The following ZNF521 variants were observed in gnomAD, a reference collection of about 807,000 sequenced individuals.
The protein encoded by ZNF521 is zinc finger protein 521, also known as LYST-interacting protein 3.
In ZNF521, 14 loss-of-function variants were observed where a neutral mutation model predicts 105.5. The ratio of observed to expected loss-of-function variants is 0.13; its 90% CI spans 0.09 to 0.21. ZNF521 has a LOEUF of 0.21. Ranked by LOEUF, ZNF521 falls within the 10% of genes least tolerant of loss-of-function variation. The probability of loss-of-function intolerance (pLI) is 1.00; values close to 1 mark genes in which losing one functional copy is unlikely to be tolerated. For missense variants in ZNF521, 1,233 were observed against 1,629.7 expected, an observed-to-expected ratio of 0.76 and a Z score of 4.19; for synonymous variants, 635 against 606.0, an observed-to-expected ratio of 1.05 and a Z score of -0.70.
intron 5 of ZNF521, among the ~76,000 whole-genome samples, chr18:25,143,479 G>C (rs533906832): frequency 8.9e-4 from 136 of 152,148 alleles, no homozygotes; most frequent in African/African-American, 2.7e-3. Flanking sequence ...CCATCAAAAG[G>C]TCTTGTTCTG....
intron 4 of ZNF521, among the ~76,000 whole-genome samples, chr18:25,217,823 T>C (rs1253025704): frequency 6.6e-6 from 1 of 152,206 alleles, no homozygotes; most frequent in African/African-American, 2.4e-5. Flanking sequence ...TACTCCATAT[T>C]ATCTGCACAG....
intron 5 of ZNF521, among the ~76,000 whole-genome samples, chr18:25,129,267 T>TAA (rs199586414): frequency 0.13 from 4,900 of 37,988 alleles, 134 homozygotes; most frequent in East Asian, 0.36. Flanking sequence ...ATAATAATAA[T>TAA]TATTATTATT....
chr18:25,342,415 T>G lies in ZNF521; in HGVS notation c.40+8492A>C, dbSNP rs532828016. Among the ~76,000 whole-genome samples the G allele has an allele frequency of 5.3e-3, 433 of 81,770 alleles. 9 individuals carry two copies. Among genetic ancestry groups the G allele is most frequent in the Admixed American group, 0.034 (296 of 8,648 alleles). 53.6% of individuals were successfully genotyped at this position (81,770 alleles called of 152,430 possible). On this transcript the variant is annotated intron_variant, in intron 2 of 7. Coordinates refer to ENST00000361524, the MANE Select transcript of ZNF521 (RefSeq NM_015461.3). ...TTTCCTTTTCTTTCCTTTGTTTTTT[T>G]TTTGTTTGTTTGTTTGTTTTTTTTG...
At chr18:25,239,939 C>T (rs2144792585) in intron 3 of ZNF521, among the ~76,000 whole-genome samples, 1 of 152,164 alleles carries the variant, frequency 6.6e-6, no homozygotes, top group Admixed American at 6.5e-5. Context: ...TCTCCCTCTC[C>T]TCCTGTCCCT....
At chr18:25,306,951 T>C (rs1468947889) in intron 3 of ZNF521, among the ~76,000 whole-genome samples, 3 of 151,938 alleles carry the variant, frequency 2.0e-5, no homozygotes, top group African/African-American at 4.8e-5. Flanking sequence ...CAGAAAAGTA[T>C]CTCAGATTTA....
intron 5 of ZNF521, among the ~76,000 whole-genome samples, chr18:25,182,952 T>C (rs1047949084): frequency 2.0e-5 from 3 of 152,160 alleles, no homozygotes; most frequent in African/African-American, 7.2e-5. Context: ...GTCAGCATCA[T>C]ATTTACTGGC....
chr18:25,107,111 G>C (rs1469424619), intron 5 of ZNF521, among the ~76,000 whole-genome samples: 1 of 152,196 alleles, frequency 6.6e-6, no homozygotes, highest in African/African-American at 2.4e-5. Context: ...CTAACAAGCT[G>C]AGCCATTTCA....
chr18:25,278,850 C>G (rs1462126361), intron 3 of ZNF521, among the ~76,000 whole-genome samples: 1 of 152,128 alleles, frequency 6.6e-6, no homozygotes, highest in African/African-American at 2.4e-5. Context: ...TAAAGTGATG[C>G]CATAAAACAG....
intron 3 of ZNF521, among the ~76,000 whole-genome samples, chr18:25,241,673 C>T (rs1290680063): frequency 6.6e-6 from 1 of 152,122 alleles, no homozygotes; most frequent in South Asian, 2.1e-4. Flanking sequence ...GCTATTAAAA[C>T]ATCACATTTA....
At chr18:25,208,219 T>C (rs1402636616) in intron 4 of ZNF521, among the ~76,000 whole-genome samples, 3 of 152,222 alleles carry the variant, frequency 2.0e-5, no homozygotes, top group Admixed American at 2.0e-4. Context: ...ATTTGCTTTT[T>C]ATAGGTTTAA....
intron 5 of ZNF521, among the ~76,000 whole-genome samples, chr18:25,111,592 C>T (rs1332591838): frequency 6.6e-6 from 1 of 152,238 alleles, no homozygotes; most frequent in Non-Finnish European, 1.5e-5. Flanking sequence ...GTAAAGCTGA[C>T]ACCCCTGGTC....
intron 3 of ZNF521, among the ~76,000 whole-genome samples, chr18:25,261,513 A>C (rs193102587): frequency 1.5e-4 from 23 of 152,272 alleles, no homozygotes; most frequent in Admixed American, 9.8e-4. Flanking sequence ...CATATATCTT[A>C]CTTTCCTATA....
Position 25,062,693 on chromosome 18 carries a change from T to A in ZNF521, c.*19A>T. The stretch of plus-strand genomic sequence containing the variant: ...TTTTGTGCCACAAAATCAATTCTCC[T>A]TGAGAGACTGTACTTGCACTAACTG... On this transcript the variant is annotated 3_prime_UTR_variant, in exon 8 of 8. Transcript: ENST00000361524. 6.4e-7 allele frequency: 1 copy of A among 1,566,186 alleles called. No individual in the cohort carries two copies. The highest frequency in any genetic ancestry group is 8.6e-7 in the Non-Finnish European group (1 of 1,162,270).
intron 7 of ZNF521, among the ~76,000 whole-genome samples, chr18:25,089,066 A>G (rs2033688806): frequency 6.6e-6 from 1 of 152,200 alleles, no homozygotes; most frequent in African/African-American, 2.4e-5. Flanking sequence ...TCTCCCTTCC[A>G]ATTTTAAGCC....
At chr18:25,200,355 T>C (rs2035971698) in intron 4 of ZNF521, among the ~76,000 whole-genome samples, 1 of 152,070 alleles carries the variant, frequency 6.6e-6, no homozygotes, top group Non-Finnish European at 1.5e-5. Context: ...ATTCCTTTAG[T>C]CTATTTCAAG....
At chr18:25,120,358 A>G (rs112250550) in intron 5 of ZNF521, among the ~76,000 whole-genome samples, 2,475 of 152,230 alleles carry the variant, frequency 0.016, 65 homozygotes, top group African/African-American at 0.054. Flanking sequence ...CAAGGTGGGC[A>G]GATCACCCGA....
intron 7 of ZNF521, among the ~76,000 whole-genome samples, chr18:25,067,012 G>T (rs4800621): frequency 6.6e-6 from 1 of 152,208 alleles, no homozygotes; most frequent in Admixed American, 6.5e-5. Context: ...AACATTGGTG[G>T]AGGTGGGGGG....
chr18:25,106,026 G>A (rs1006007961), intron 5 of ZNF521, among the ~76,000 whole-genome samples: 3 of 151,994 alleles, frequency 2.0e-5, no homozygotes, highest in Non-Finnish European at 4.4e-5. Flanking sequence ...TGTTGTTGTT[G>A]TTGTTGTTTC....
At chr18:25,257,738 A>G (rs1330851378) in intron 3 of ZNF521, among the ~76,000 whole-genome samples, 2 of 152,198 alleles carry the variant, frequency 1.3e-5, no homozygotes, top group African/African-American at 4.8e-5. Context: ...TATCAAATGC[A>G]TATTTTCAAA....
Sources: allele counts gnomAD v4.1 joint callset (sites outside exome capture counted in the v4.1 genomes callset), GRCh38; gene constraint gnomAD v4.1.1; transcripts MANE v1.5; gene names NCBI Gene and HGNC (gene_info 2026-07-23, HGNC 2026-07-21).